ZNF564: variants seen among roughly 807,000 people sequenced by gnomAD.
ZNF564 encodes the protein zinc finger protein 564.
A neutral mutation model predicts 10.5 loss-of-function variants in ZNF564; 5 were observed. The ratio of observed to expected loss-of-function variants is 0.48; its 90% CI spans 0.25 to 1.00. The LOEUF (loss-of-function observed/expected upper bound fraction) is 1.00. Ranked by LOEUF, ZNF564 falls within the 50% of genes least tolerant of loss-of-function variation. The pLI, the probability that ZNF564 is intolerant of heterozygous loss-of-function variation, is 0.16. For synonymous variants in ZNF564, 242 were observed against 218.1 expected, an observed-to-expected ratio of 1.11 and a Z score of -0.97; for missense variants, 603 against 669.7, an observed-to-expected ratio of 0.90 and a Z score of 1.10.
intron 1 of ZNF564, among the ~76,000 whole-genome samples, chr19:12,535,015 T>C (rs2021881265): frequency 6.6e-6 from 1 of 152,038 alleles, no homozygotes; most frequent in Non-Finnish European, 1.5e-5. Flanking sequence ...ATCCATATGA[T>C]TAAATATAAT....
intron 1 of ZNF564, chr19:12,548,971 G>A (rs567065208): frequency 8.7e-5 from 59 of 678,966 alleles, no homozygotes; most frequent in South Asian, 8.6e-4. Flanking sequence ...CTACTTATCT[G>A]AGATTCTTAT....
intron 1 of ZNF564, among the ~76,000 whole-genome samples, chr19:12,530,822 A>G (rs913932361): frequency 2.0e-5 from 3 of 152,190 alleles, no homozygotes; most frequent in African/African-American, 7.2e-5. Context: ...ACTGGAGTGC[A>G]GTGGCATGAT....
intron 1 of ZNF564, among the ~76,000 whole-genome samples, chr19:12,543,969 TGA>T (rs1278438829): frequency 6.6e-6 from 1 of 152,064 alleles, no homozygotes; most frequent in Admixed American, 6.6e-5. Flanking sequence ...GAGGATATAA[TGA>T]GAGATGATGA....
intron 1 of ZNF564, among the ~76,000 whole-genome samples, chr19:12,535,338 A>C (rs923790229): frequency 2.0e-5 from 3 of 152,152 alleles, no homozygotes; most frequent in African/African-American, 7.2e-5. Context: ...ACATCACTGC[A>C]CTCCAGCCTG....
chr19:12,527,895 G>A lies in ZNF564; in HGVS notation c.213C>T (p.Leu71=). The A allele has an allele frequency of 6.2e-7, 1 of 1,606,332 alleles. No individual in the cohort carries two copies. The highest frequency in any genetic ancestry group is 8.5e-7 in the Non-Finnish European group (1 of 1,175,726). Residue 71 remains leucine, a synonymous_variant, in exon 4 of 4, where the codon CTC becomes CTT. Transcript: ENST00000339282. ...RILRNHMEEG[L]SESKEYDQCG... Reference sequence around the variant, plus strand: ...ATTGATCATATTCTTTACTTTCACTGAGTCCCTCTTCCATATGATTTCTGG... The same window carrying A: ...ATTGATCATATTCTTTACTTTCACTAAGTCCCTCTTCCATATGATTTCTGG...
chr19:12,548,572 G>A (rs905418968), intron 1 of ZNF564: 1 of 477,058 alleles, frequency 2.1e-6, no homozygotes, highest in African/African-American at 1.9e-5. Context: ...GGATGGTCGC[G>A]ATCTCCTGAC....
intron 1 of ZNF564, among the ~76,000 whole-genome samples, chr19:12,546,618 C>A (rs1480347049): frequency 1.3e-5 from 2 of 152,076 alleles, no homozygotes; most frequent in Non-Finnish European, 2.9e-5. Context: ...GTAGTCCAGG[C>A]TACTCGGGAG....
intron 1 of ZNF564, among the ~76,000 whole-genome samples, chr19:12,545,830 G>C (rs532796858): frequency 6.6e-6 from 1 of 152,082 alleles, no homozygotes; most frequent in East Asian, 1.9e-4. Flanking sequence ...GAATGTCTTT[G>C]CTCAAAAATT....
At chr19:12,544,593 T>C (rs2022117176) in intron 1 of ZNF564, among the ~76,000 whole-genome samples, 1 of 152,150 alleles carries the variant, frequency 6.6e-6, no homozygotes, top group Non-Finnish European at 1.5e-5. Flanking sequence ...GACGGCTAGA[T>C]ACAAACTGCT....
At chr19:12,531,812 A>G (rs1479879090) in intron 1 of ZNF564, among the ~76,000 whole-genome samples, 2 of 152,202 alleles carry the variant, frequency 1.3e-5, no homozygotes, top group African/African-American at 4.8e-5. Context: ...AATATGGTAG[A>G]TATTAATACA....
Position 12,527,619 on chromosome 19 carries a change from G to A in ZNF564, c.489C>T (p.His163=), listed in dbSNP as rs1318649544. ...GACATGCATAGGGTTTCTCACCAGT[G>A]TGAGTTCTTTCATGTCTTCGAAAGG... ...CQSFRRHERT[H]TGEKPYACPE... Residue 163 remains histidine (H), a synonymous_variant, in exon 4 of 4, where the codon CAC becomes CAT. Coordinates refer to ENST00000339282, the MANE Select transcript of ZNF564 (RefSeq NM_144976.4). The A allele has an allele frequency of 1.2e-6, 2 of 1,614,066 alleles. No homozygotes were observed. The highest frequency in any genetic ancestry group is 1.7e-6 in the Non-Finnish European group (2 of 1,180,044).
At chr19:12,548,809 A>G (rs1012546187) in intron 1 of ZNF564, 20 of 702,830 alleles carry the variant, frequency 2.8e-5, no homozygotes, top group Admixed American at 1.0e-4. Context: ...ATTAATCACC[A>G]AAGTCCAGAT....
intron 1 of ZNF564, among the ~76,000 whole-genome samples, chr19:12,544,862 T>C (rs1188728168): frequency 6.6e-6 from 1 of 152,122 alleles, no homozygotes; most frequent in African/African-American, 2.4e-5. Flanking sequence ...CTGGGATCTA[T>C]TACCTAGCAG....
chr19:12,551,301 T>G (rs751570090), intron 1 of ZNF564, 29 bp downstream of exon 1: 1 of 1,603,560 alleles, frequency 6.2e-7, no homozygotes, highest in East Asian at 2.3e-5. Flanking sequence ...CCTCCCCCAG[T>G]CTCCAGGCGC....
At chr19:12,539,838 A>G (rs1435342832) in intron 1 of ZNF564, among the ~76,000 whole-genome samples, 3 of 145,438 alleles carry the variant, frequency 2.1e-5, no homozygotes, top group Non-Finnish European at 4.5e-5. Context: ...AAAATTAGCC[A>G]GGTGTGGTGG....
intron 1 of ZNF564, among the ~76,000 whole-genome samples, chr19:12,548,538 G>A (rs1303777058): frequency 6.6e-6 from 1 of 152,180 alleles, no homozygotes; most frequent in African/African-American, 2.4e-5. Context: ...TTTTAGTAGA[G>A]ACGGGGTTTC....
At chr19:12,539,914 G>C (rs970606437) in intron 1 of ZNF564, among the ~76,000 whole-genome samples, 1 of 151,080 alleles carries the variant, frequency 6.6e-6, no homozygotes, top group Admixed American at 6.6e-5. Context: ...CTGGGAGGCG[G>C]AGCTTGCAGT....
At chr19:12,539,813 A>C (rs1390261167) in intron 1 of ZNF564, among the ~76,000 whole-genome samples, 1 of 151,712 alleles carries the variant, frequency 6.6e-6, no homozygotes, top group Non-Finnish European at 1.5e-5. Context: ...ATCTCTACTA[A>C]AACTACAAAA....
chr19:12,528,614 T>C lies in ZNF564; in HGVS notation c.86A>G (p.Tyr29Cys). Reference sequence around the variant, plus strand: ...AAAGGTTTCCCGCATCACATCTCTGTAGAGTTTCTTCTGGGAAGGATCCAG... The same window carrying C: ...AAAGGTTTCCCGCATCACATCTCTGCAGAGTTTCTTCTGGGAAGGATCCAG... ...ALLDPSQKKL[Y>C]RDVMRETFRN... Residue 29 changes from tyrosine to cysteine, a missense_variant, in exon 2 of 4, where the codon TAC becomes TGC. Coordinates refer to ENST00000339282, the MANE Select transcript of ZNF564 (RefSeq NM_144976.4). 2 of 1,614,062 alleles carry C rather than the reference T, an allele frequency of 1.2e-6. No homozygotes were observed. Among genetic ancestry groups the C allele is most frequent in the Non-Finnish European group, 1.7e-6 (2 of 1,180,006 alleles).
Sources: allele counts gnomAD v4.1 joint callset (sites outside exome capture counted in the v4.1 genomes callset), GRCh38; gene constraint gnomAD v4.1.1; transcripts MANE v1.5; gene names NCBI Gene and HGNC (gene_info 2026-07-23, HGNC 2026-07-21).